Variants in ZCRB1 observed in about 807,000 individuals in gnomAD.
The protein encoded by ZCRB1 is zinc finger CCHC-type and RNA-binding motif-containing protein 1.
A neutral mutation model predicts 29.9 loss-of-function variants in ZCRB1; 21 were observed. The ratio of observed to expected loss-of-function variants is 0.70; its 90% CI spans 0.50 to 1.01. The LOEUF (loss-of-function observed/expected upper bound fraction) is 1.01. ZCRB1 is among the 50% of genes least tolerant of loss of function. ZCRB1 has a pLI of 0.00. For missense variants in ZCRB1, 204 were observed against 253.3 expected (o/e 0.81, Z 1.32); for synonymous variants, 77 against 80.0 (o/e 0.96, Z 0.20).
intron 3 of ZCRB1, among the ~76,000 whole-genome samples, chr12:42,319,201 T>C (rs376660512): frequency 6.6e-6 from 1 of 152,212 alleles, no homozygotes; most frequent in Non-Finnish European, 1.5e-5. Flanking sequence ...ATCTGTTGCC[T>C]CTTTTCCAAT....
chr12:42,320,765 C>T (rs2068617388), intron 3 of ZCRB1, among the ~76,000 whole-genome samples: 1 of 152,026 alleles, frequency 6.6e-6, no homozygotes, highest in Non-Finnish European at 1.5e-5. Flanking sequence ...TGCTTTTGTT[C>T]CCCTCCAATC....
At chr12:42,314,397 TAAAAAAAAAAAAAAAAA>T (rs71084639) in intron 5 of ZCRB1, among the ~76,000 whole-genome samples, 1 of 27,736 alleles carries the variant, frequency 3.6e-5, no homozygotes, top group African/African-American at 1.6e-4. Context: ...CCGTCTCTAC[TAAAAAAAAAAAAAAAAA>T]AAAAAAAAAA....
intron 3 of ZCRB1, among the ~76,000 whole-genome samples, chr12:42,321,122 A>G (rs2068619163): frequency 6.6e-6 from 1 of 152,196 alleles, no homozygotes; most frequent in African/African-American, 2.4e-5. Context: ...CACTCAAAAA[A>G]TACTGACCTA....
Position 42,313,114 on chromosome 12 carries a change from T to A in ZCRB1, c.607A>T (p.Ile203Leu). ...STSDDSRRPR[I>L]KKSTYFSDEE... ...TCACTGAAATATGTGCTTTTCTTTA[T>A]CCTTGGGCGTCTTGAATCATCTGAT... Residue 203 changes from isoleucine to leucine, a missense_variant, in exon 8 of 8, where the codon ATA (isoleucine) becomes TTA (leucine). Coordinates refer to ENST00000266529, the MANE Select transcript of ZCRB1 (RefSeq NM_033114.4). 1 of 1,612,482 alleles carries A rather than the reference T, an allele frequency of 6.2e-7. No individual in the cohort carries two copies. The highest frequency in any genetic ancestry group is 1.1e-5 in the South Asian group (1 of 90,618).
At chr12:42,317,699 C>T in intron 4 of ZCRB1, 88 bp downstream of exon 4, 1 of 1,129,438 alleles carries the variant, frequency 8.9e-7, no homozygotes, top group South Asian at 1.3e-5. Flanking sequence ...TCTGCTAGAC[C>T]TGATGATCCA....
Position 42,313,209 on chromosome 12 carries a change from AAAAAC to A in ZCRB1, c.523-16_523-12del, listed in dbSNP as rs1565691089. 6.2e-7 allele frequency: 1 copy of A among 1,600,678 alleles called. No individual in the cohort carries two copies. On this transcript the variant is annotated splice_polypyrimidine_tract_variant and intron_variant, in intron 7 of 7. Transcript: ENST00000266529. ...TTCAATTTTGGCTTGCTGTGATTCA[AAAAAC>A]AAAACAAAACCAATAACCTGTTTAA...
In ZCRB1 at chr12:42,312,671, A is replaced by G. The variant is rs1051659280; in HGVS notation, c.*396T>C. The G allele has an allele frequency of 5.9e-5, 9 of 152,384 alleles. No homozygotes were observed. The highest frequency in any genetic ancestry group is 2.2e-4 in the African/African-American group (9 of 41,458). The allele number at this position is 152,384 out of a possible 1,614,324, so 9.4% of individuals were successfully genotyped here. On this transcript the variant is annotated 3_prime_UTR_variant, in exon 8 of 8. Transcript: ENST00000266529. The stretch of plus-strand genomic sequence containing the variant: ...AAGCCTTTTAGAGCTATGTTACTTT[A>G]TATTTTATAGGTATTTATAATTTAT...
chr12:42,324,025 CA>C lies in ZCRB1; in HGVS notation c.77del (p.Leu26CysfsTer12). On this transcript the variant is annotated frameshift_variant, in exon 2 of 8. Transcript: ENST00000266529. LOFTEE classifies it high-confidence loss of function. ...NLPFSLTNND[L>X]YRIFSKYGKV... ...CTCGATAAGATTTACTTACCCGGTA[CA>C]AGTCATTGTTTGTCAGGGAAAAAGG... 1 of 1,613,564 alleles carries C rather than the reference CA, an allele frequency of 6.2e-7. No homozygotes were observed. Among genetic ancestry groups the C allele is most frequent in the Non-Finnish European group, 8.5e-7 (1 of 1,179,622 alleles).
chr12:42,322,662 C>T (rs2068627615), intron 2 of ZCRB1, among the ~76,000 whole-genome samples: 1 of 152,092 alleles, frequency 6.6e-6, no homozygotes, highest in Non-Finnish European at 1.5e-5. Context: ...CTAAATTTGA[C>T]AATGGAGTAA....
intron 2 of ZCRB1, 96 bp downstream of exon 2, chr12:42,323,923 A>AC: frequency 1.4e-5 from 5 of 369,822 alleles, no homozygotes; most frequent in Non-Finnish European, 2.1e-5. Flanking sequence ...TCAAAAAAAG[A>AC]AAAAAAAAAA....
intron 5 of ZCRB1, among the ~76,000 whole-genome samples, chr12:42,316,355 A>T (rs151247705): frequency 4.5e-4 from 69 of 152,130 alleles, no homozygotes; most frequent in Admixed American, 3.9e-4. Flanking sequence ...CCACCTCAGC[A>T]TCCCAAAATG....
chr12:42,317,690 C>T, intron 4 of ZCRB1, 97 bp downstream of exon 4: 1 of 1,052,850 alleles, frequency 9.5e-7, no homozygotes, highest in East Asian at 2.4e-5. Flanking sequence ...CTACTGATAT[C>T]TGCTAGACCT....
At chr12:42,321,323 T>G (rs1229566571) in intron 3 of ZCRB1, among the ~76,000 whole-genome samples, 3 of 152,354 alleles carry the variant, frequency 2.0e-5, no homozygotes, top group African/African-American at 7.2e-5. Context: ...ATCTCACTGT[T>G]GGATTCAAAT....
Position 42,312,183 on chromosome 12 carries a change from A to G in ZCRB1, c.*884T>C, listed in dbSNP as rs146799582. On this transcript the variant is annotated 3_prime_UTR_variant, in exon 8 of 8. Coordinates refer to ENST00000266529, the MANE Select transcript of ZCRB1 (RefSeq NM_033114.4). ...CTTATTTCTATTGCTTTTACTAGTT[A>G]AAAAAGTAATGGGCATTCTTACAAA... 705 of 152,276 alleles carry G rather than the reference A, an allele frequency of 4.6e-3. 2 individuals carry two copies. Among genetic ancestry groups the G allele is most frequent in the African/African-American group, 0.016 (673 of 41,558 alleles). 9.4% of individuals were successfully genotyped at this position (152,276 alleles called of 1,614,324 possible). A position where few individuals can be genotyped will look rare whatever the true frequency, so the allele number is the denominator to read the frequency against.
chr12:42,315,264 T>C (rs912559753), intron 5 of ZCRB1, among the ~76,000 whole-genome samples: 2 of 152,232 alleles, frequency 1.3e-5, no homozygotes, highest in African/African-American at 2.4e-5. Flanking sequence ...AGCTCAACTA[T>C]AATCTGGACA....
rs1157504614 is a variant in ZCRB1 at position 42,317,431 on chromosome 12, A to G, written c.242T>C (p.Ile81Thr). Reference protein sequence around the residue: ...INNKQLFGRVIKASIAIDNGR... With the variant: ...INNKQLFGRVTKASIAIDNGR... ...ATTGTCAATAGCAATGCTTGCTTTT[A>G]TCACTCTACCAAATAACTAAACAAG... Residue 81 changes from isoleucine to threonine, a missense_variant, in exon 5 of 8, where the codon ATA becomes ACA. Physicochemically the swap from Ile to Thr is moderately conservative, Grantham distance 89. Coordinates refer to ENST00000266529, the MANE Select transcript of ZCRB1 (RefSeq NM_033114.4). 6.2e-7 allele frequency: 1 copy of G among 1,609,296 alleles called. No homozygotes were observed. Among genetic ancestry groups the G allele is most frequent in the Admixed American group, 1.7e-5 (1 of 59,146 alleles).
intron 4 of ZCRB1, 130 bp downstream of exon 4, chr12:42,317,657 T>C (rs1381889128): frequency 5.8e-6 from 5 of 856,282 alleles, no homozygotes; most frequent in Non-Finnish European, 7.2e-6. Flanking sequence ...CTTTTCTTTC[T>C]ATAAGTTAGA....
At position 42,312,489 on chromosome 12, in the gene ZCRB1, T is replaced by A. The variant is rs1368806404; in HGVS notation, c.*578A>T. 6.6e-6 allele frequency: 1 copy of A among 152,206 alleles called. No homozygotes were observed. The highest frequency in any genetic ancestry group is 1.5e-5 in the Non-Finnish European group (1 of 68,032). 9.4% of individuals were successfully genotyped at this position (152,206 alleles called of 1,614,324 possible). On this transcript the variant is annotated 3_prime_UTR_variant, in exon 8 of 8. Transcript: ENST00000266529. ...GGAATATTGAGGAAGGTAGGAGAAG[T>A]ATAAGAGATTGAATAATTCTCCTTT... is the stretch of plus-strand genomic sequence containing the variant.
intron 3 of ZCRB1, among the ~76,000 whole-genome samples, chr12:42,319,118 C>G (rs1356799929): frequency 6.6e-6 from 1 of 152,092 alleles, no homozygotes; most frequent in Non-Finnish European, 1.5e-5. Context: ...TGAAAGTTAT[C>G]AGTCTTTTTT....
Sources: allele counts gnomAD v4.1 joint callset (sites outside exome capture counted in the v4.1 genomes callset), GRCh38; gene constraint gnomAD v4.1.1; transcripts MANE v1.5; gene names NCBI Gene and HGNC (gene_info 2026-07-23, HGNC 2026-07-21).